The following ELL2 variants were observed in gnomAD, a reference collection of about 807,000 sequenced individuals.
ELL2 encodes the protein RNA polymerase II elongation factor ELL2.
In ELL2, 21 loss-of-function variants were observed where a neutral mutation model predicts 72.8. The ratio of observed to expected loss-of-function variants is 0.29; its 90% CI spans 0.20 to 0.42. ELL2 has a LOEUF of 0.42. Ranked by LOEUF, ELL2 falls within the 10% of genes least tolerant of loss-of-function variation. The pLI is 1.00. For synonymous variants in ELL2, 266 were observed against 283.2 expected (o/e 0.94, Z 0.61); for missense variants, 568 against 772.8 (o/e 0.73, Z 3.14).
At chr5:95,959,361 T>TGAATAGGG (rs1192214448) in intron 1 of ELL2, among the ~76,000 whole-genome samples, 12 of 152,356 alleles carry the variant, frequency 7.9e-5, no homozygotes, top group African/African-American at 2.6e-4. Flanking sequence ...GGCCGCCTCC[T>TGAATAGGG]GCTGACTTCT....
rs368583353 is a variant in ELL2 at position 95,931,796 on chromosome 5, T to TAAAAAA, written c.195+11200_195+11205dup. On this transcript the variant is annotated intron_variant, in intron 2 of 11. Transcript: ENST00000237853. ...CACTGCTTCCCAAGTGCCCTATCCA[T>TAAAAAA]AAAAAAAAAAAAAAAAAAAAAAAAA... Among the ~76,000 whole-genome samples the TAAAAAA allele has an allele frequency of 1.3e-3, 97 of 72,522 alleles. 12 individuals are homozygous for TAAAAAA. Among genetic ancestry groups the TAAAAAA allele is most frequent in the African/African-American group, 5.2e-3 (80 of 15,264 alleles). 47.6% of individuals were successfully genotyped at this position (72,522 alleles called of 152,430 possible).
rs1748504520 is a variant in ELL2 at position 95,887,516 on chromosome 5, T to C, written c.*1355A>G. ...AACTGGCAGCACTTTGAAAAGACAATACAATAAGACAATACAACTTGAATC... is the reference window on the plus strand; with the variant it reads ...AACTGGCAGCACTTTGAAAAGACAACACAATAAGACAATACAACTTGAATC... On this transcript the variant is annotated 3_prime_UTR_variant, in exon 12 of 12. Transcript: ENST00000237853. The C allele has an allele frequency of 6.6e-6, 1 of 152,632 alleles. No individual in the cohort carries two copies. Among genetic ancestry groups the C allele is most frequent in the African/African-American group, 2.4e-5 (1 of 41,458 alleles). 9.5% of individuals were successfully genotyped at this position (152,632 alleles called of 1,614,324 possible). A position where few individuals can be genotyped will look rare whatever the true frequency, so the allele number is the denominator to read the frequency against.
chr5:95,953,551 C>G (rs1170960145), intron 1 of ELL2, among the ~76,000 whole-genome samples: 2 of 152,142 alleles, frequency 1.3e-5, no homozygotes, highest in African/African-American at 2.4e-5. Context: ...CTGGCTACAC[C>G]CTTGAATAAG....
At chr5:95,901,226 C>G in intron 5 of ELL2, 146 bp from the exon 6 acceptor site, 1 of 746,268 alleles carries the variant, frequency 1.3e-6, no homozygotes, top group South Asian at 3.4e-5. Flanking sequence ...TGCCAGATCT[C>G]AATAAATGCC....
At chr5:95,920,125 G>A (rs1749993329) in intron 2 of ELL2, among the ~76,000 whole-genome samples, 1 of 152,062 alleles carries the variant, frequency 6.6e-6, no homozygotes, top group African/African-American at 2.4e-5. Flanking sequence ...GTCCTAAGAT[G>A]CCATTATACA....
intron 5 of ELL2, among the ~76,000 whole-genome samples, chr5:95,904,157 C>T (rs1749258738): frequency 6.6e-6 from 1 of 152,222 alleles, no homozygotes; most frequent in Non-Finnish European, 1.5e-5. Flanking sequence ...CCTTCCCCAG[C>T]TCCTTTCAAC....
chr5:95,898,185 TG>T, intron 8 of ELL2, 54 bp downstream of exon 8: 2 of 1,354,340 alleles, frequency 1.5e-6, no homozygotes, highest in Non-Finnish European at 2.0e-6. Flanking sequence ...TTATAAACTG[TG>T]TAATTTCAAA....
intron 2 of ELL2, among the ~76,000 whole-genome samples, chr5:95,920,593 G>A (rs1750021908): frequency 6.6e-6 from 1 of 151,948 alleles, no homozygotes; most frequent in African/African-American, 2.4e-5. Flanking sequence ...AAGGGACAGA[G>A]TTGTTAAAGA....
chr5:95,919,296 T>C (rs1749955873), intron 3 of ELL2, 128 bp downstream of exon 3: 1 of 1,177,592 alleles, frequency 8.5e-7, no homozygotes, highest in African/African-American at 1.6e-5. Flanking sequence ...TTCAGATAAA[T>C]AAATGAGCTC....
intron 8 of ELL2, among the ~76,000 whole-genome samples, chr5:95,896,404 T>A (rs938050958): frequency 6.6e-6 from 1 of 152,206 alleles, no homozygotes; most frequent in Non-Finnish European, 1.5e-5. Flanking sequence ...AGATTCTTTA[T>A]CAGGGTAATT....
chr5:95,895,559 T>C, intron 9 of ELL2, 69 bp downstream of exon 9: 1 of 1,455,486 alleles, frequency 6.9e-7, no homozygotes, highest in South Asian at 1.2e-5. Context: ...ATTTGCAAAT[T>C]ATGGGAAAAG....
At chr5:95,920,397 A>ACCT (rs1750011077) in intron 2 of ELL2, among the ~76,000 whole-genome samples, 1 of 150,514 alleles carries the variant, frequency 6.6e-6, no homozygotes, top group Non-Finnish European at 1.5e-5. Flanking sequence ...TGCAACCTCC[A>ACCT]CCTCCCCGGT....
intron 2 of ELL2, among the ~76,000 whole-genome samples, chr5:95,939,169 C>G (rs1750882957): frequency 6.6e-6 from 1 of 152,158 alleles, no homozygotes; most frequent in Non-Finnish European, 1.5e-5. Flanking sequence ...CTACTAAAAC[C>G]CTTGTTTAAA....
At position 95,895,651 on chromosome 5, in the gene ELL2, T is replaced by C; in HGVS notation, c.1566A>G (p.Ala522=). Residue 522 remains alanine, a synonymous_variant, in exon 9 of 12, where the codon GCA becomes GCG. Coordinates refer to ENST00000237853, the MANE Select transcript of ELL2 (RefSeq NM_012081.6). The part of the protein sequence containing the change: ...EDCTASMEPS[A]IELPDYLIKY... ...ACATCAAATAATCTGGGAGTTCAATTGCTGAAGGTTCCATGGAGGCAGTGC... is the reference window on the plus strand; with the variant it reads ...ACATCAAATAATCTGGGAGTTCAATCGCTGAAGGTTCCATGGAGGCAGTGC... The C allele has an allele frequency of 1.2e-6, 2 of 1,614,134 alleles. No homozygotes were observed. Among genetic ancestry groups the C allele is most frequent in the Non-Finnish European group, 1.7e-6 (2 of 1,180,010 alleles).
chr5:95,927,366 GACAT>G (rs1283230618), intron 2 of ELL2, among the ~76,000 whole-genome samples: 4 of 107,954 alleles, frequency 3.7e-5, no homozygotes, highest in Non-Finnish European at 7.1e-5. Flanking sequence ...TGTATATATA[GACAT>G]ACACACACAC....
At chr5:95,944,359 A>C (rs1240441917) in intron 1 of ELL2, among the ~76,000 whole-genome samples, 1 of 152,240 alleles carries the variant, frequency 6.6e-6, no homozygotes, top group African/African-American at 2.4e-5. Context: ...CTACCATAAA[A>C]GATCATTTAA....
At chr5:95,954,660 T>C (rs1751564984) in intron 1 of ELL2, among the ~76,000 whole-genome samples, 1 of 148,226 alleles carries the variant, frequency 6.7e-6, no homozygotes, top group South Asian at 2.2e-4. Context: ...CAGGATGGTC[T>C]CGATTTCCTG....
At chr5:95,942,140 T>C (rs1750991674) in intron 2 of ELL2, among the ~76,000 whole-genome samples, 1 of 152,226 alleles carries the variant, frequency 6.6e-6, no homozygotes, top group Non-Finnish European at 1.5e-5. Context: ...AGAAAGACTA[T>C]TTATTTAAAT....
intron 7 of ELL2, 109 bp from the exon 8 acceptor site, chr5:95,898,919 T>TACAA: frequency 1.3e-6 from 1 of 796,700 alleles, no homozygotes; most frequent in Non-Finnish European, 1.8e-6. Context: ...CTATTAATAT[T>TACAA]ACCAGGGTTG....
Sources: allele counts gnomAD v4.1 joint callset (sites outside exome capture counted in the v4.1 genomes callset), GRCh38; gene constraint gnomAD v4.1.1; transcripts MANE v1.5; gene names NCBI Gene and HGNC (gene_info 2026-07-23, HGNC 2026-07-21).